The following MYRIP variants were observed in gnomAD, a reference collection of about 807,000 sequenced individuals.
The protein encoded by MYRIP is rab effector MyRIP.
Under a neutral mutation model 98.0 loss-of-function variants are expected in MYRIP, and 49 were observed. The observed-to-expected ratio is 0.50, with a 90% CI of 0.40 to 0.63. The LOEUF (loss-of-function observed/expected upper bound fraction) is 0.63. Ranked by LOEUF, MYRIP falls within the 30% of genes least tolerant of loss-of-function variation. The pLI is 0.00. For synonymous variants in MYRIP, 404 were observed against 409.5 expected (o/e 0.99, Z 0.16); for missense variants, 1,004 against 1,058.2 (o/e 0.95, Z 0.71).
At chr3:40,195,654 T>C (rs1022695560) in intron 10 of MYRIP, among the ~76,000 whole-genome samples, 4 of 151,702 alleles carry the variant, frequency 2.6e-5, no homozygotes, top group African/African-American at 9.7e-5. Context: ...TTCTCAATTT[T>C]GAATAATCTT....
chr3:39,860,999 G>A (rs1383538871), intron 1 of MYRIP, among the ~76,000 whole-genome samples: 3 of 152,208 alleles, frequency 2.0e-5, no homozygotes, highest in African/African-American at 4.8e-5. Flanking sequence ...ACAAGCATGC[G>A]TTCTGCTGCA....
intron 1 of MYRIP, among the ~76,000 whole-genome samples, chr3:39,855,283 G>C (rs1338757310): frequency 3.3e-5 from 5 of 152,162 alleles, no homozygotes; most frequent in Non-Finnish European, 7.4e-5. Flanking sequence ...CCAGGAGGTG[G>C]TGTTTTCAAG....
At chr3:39,881,506 A>G (rs1357428346) in intron 1 of MYRIP, among the ~76,000 whole-genome samples, 3 of 152,138 alleles carry the variant, frequency 2.0e-5, no homozygotes, top group African/African-American at 7.2e-5. Flanking sequence ...GCTCAGGTAT[A>G]ACCTAAATGC....
chr3:39,941,731 T>A (rs956411961), intron 2 of MYRIP, among the ~76,000 whole-genome samples: 1 of 152,080 alleles, frequency 6.6e-6, no homozygotes, highest in African/African-American at 2.4e-5. Context: ...TTCAGTCTAT[T>A]ATTCCTTGAT....
At position 39,897,464 on chromosome 3, in the gene MYRIP, A is replaced by G. The variant is rs375643689; in HGVS notation, c.-30-3323A>G. Among the ~76,000 whole-genome samples the G allele has an allele frequency of 5.1e-4, 77 of 152,322 alleles. 4 individuals carry two copies. In the South Asian group the frequency reaches 0.015, roughly 29 times the overall value. ...TTTTCTCATTAGTAAATTTAAAAACATATCCTCTCTGTTGTCATGTTGGTT... is the reference window on the plus strand; with the variant it reads ...TTTTCTCATTAGTAAATTTAAAAACGTATCCTCTCTGTTGTCATGTTGGTT... On this transcript the variant is annotated intron_variant, in intron 1 of 16. Transcript: ENST00000302541.
At chr3:39,968,222 G>GTTTT (rs34248673) in intron 2 of MYRIP, among the ~76,000 whole-genome samples, 1 of 147,456 alleles carries the variant, frequency 6.8e-6, no homozygotes, top group Non-Finnish European at 1.5e-5. Flanking sequence ...CATTTAACTT[G>GTTTT]TTTTTTTTTT....
At chr3:40,160,111 C>T (rs1041981891) in intron 4 of MYRIP, among the ~76,000 whole-genome samples, 9 of 152,178 alleles carry the variant, frequency 5.9e-5, no homozygotes, top group African/African-American at 2.2e-4. Flanking sequence ...CTGTTTTTCC[C>T]CATCTTTGTG....
At chr3:39,979,455 A>G (rs1945830723) in intron 2 of MYRIP, among the ~76,000 whole-genome samples, 1 of 152,050 alleles carries the variant, frequency 6.6e-6, no homozygotes, top group Non-Finnish European at 1.5e-5. Flanking sequence ...CCTGACCAAC[A>G]TGGAGAAACC....
intron 2 of MYRIP, among the ~76,000 whole-genome samples, chr3:40,018,175 A>C (rs1946912042): frequency 6.6e-6 from 1 of 152,172 alleles, no homozygotes; most frequent in Non-Finnish European, 1.5e-5. Flanking sequence ...ACACTCTGAC[A>C]GATTTCTTGG....
intron 2 of MYRIP, among the ~76,000 whole-genome samples, chr3:40,030,116 G>A (rs1947225059): frequency 6.6e-6 from 1 of 151,480 alleles, no homozygotes; most frequent in Non-Finnish European, 1.5e-5. Context: ...AGAGGGAGAG[G>A]GGAGGGGAGG....
intron 1 of MYRIP, among the ~76,000 whole-genome samples, chr3:39,884,445 T>C (rs1183581844): frequency 6.6e-6 from 1 of 152,084 alleles, no homozygotes; most frequent in African/African-American, 2.4e-5. Flanking sequence ...AAGATTAACA[T>C]TTAATGGTTG....
In MYRIP at chr3:39,849,419, A is replaced by G. The variant is rs544113866; in HGVS notation, c.-31+39503A>G. Reference sequence around the variant, plus strand: ...TTTATGAAGTAGTTTTAACCATCCAATGGAAAAATTGTGCCAGGGTAATAC... The same window carrying G: ...TTTATGAAGTAGTTTTAACCATCCAGTGGAAAAATTGTGCCAGGGTAATAC... On this transcript the variant is annotated intron_variant, in intron 1 of 16. Coordinates refer to ENST00000302541, the MANE Select transcript of MYRIP (RefSeq NM_015460.4). Among the ~76,000 whole-genome samples the G allele has an allele frequency of 1.2e-4, 18 of 152,370 alleles. 1 individual carries two copies. Among genetic ancestry groups the G allele is most frequent in the African/African-American group, 2.9e-4 (12 of 41,600 alleles).
intron 2 of MYRIP, among the ~76,000 whole-genome samples, chr3:39,906,132 C>T (rs1943873003): frequency 6.6e-6 from 1 of 151,844 alleles, no homozygotes; most frequent in Non-Finnish European, 1.5e-5. Context: ...CTCTGAGCCT[C>T]AGAGGTCAAA....
intron 3 of MYRIP, among the ~76,000 whole-genome samples, chr3:40,082,675 T>C (rs1200887738): frequency 3.3e-5 from 5 of 152,346 alleles, no homozygotes; most frequent in Non-Finnish European, 5.9e-5. Flanking sequence ...ATAAATCTTA[T>C]TGCTAATTAC....
intron 3 of MYRIP, among the ~76,000 whole-genome samples, chr3:40,148,544 AT>A (rs1334030940): frequency 9.9e-5 from 15 of 152,024 alleles, no homozygotes; most frequent in Admixed American, 9.8e-4. Context: ...CTTCTATTAA[AT>A]TTTTTATTGA....
At chr3:39,935,710 T>C (rs889924479) in intron 2 of MYRIP, among the ~76,000 whole-genome samples, 3 of 152,116 alleles carry the variant, frequency 2.0e-5, no homozygotes, top group African/African-American at 7.2e-5. Flanking sequence ...ATGTTACTGG[T>C]TTAAAGGAAT....
intron 2 of MYRIP, among the ~76,000 whole-genome samples, chr3:39,910,898 C>T (rs1450257435): frequency 1.3e-5 from 2 of 152,094 alleles, no homozygotes; most frequent in Admixed American, 1.3e-4. Context: ...TTTTAGGTAT[C>T]TGTAAGAGCC....
chr3:40,156,503 A>T (rs967894214), intron 4 of MYRIP, among the ~76,000 whole-genome samples: 18 of 152,004 alleles, frequency 1.2e-4, no homozygotes, highest in Admixed American at 5.9e-4. Context: ...TATGAACTTT[A>T]AAGTAGTTTT....
chr3:40,076,210 AAAAAAT>A (rs1462484758), intron 3 of MYRIP, among the ~76,000 whole-genome samples: 1 of 152,108 alleles, frequency 6.6e-6, no homozygotes, highest in Non-Finnish European at 1.5e-5. Flanking sequence ...ACCCTGTCTC[AAAAAAT>A]AAAAATAAGA....
Sources: allele counts gnomAD v4.1 joint callset (sites outside exome capture counted in the v4.1 genomes callset), GRCh38; gene constraint gnomAD v4.1.1; transcripts MANE v1.5; gene names NCBI Gene and HGNC (gene_info 2026-07-23, HGNC 2026-07-21).